The following KCTD7 variants were observed in gnomAD, a reference collection of about 807,000 sequenced individuals.
The protein encoded by KCTD7 is BTB/POZ domain-containing protein KCTD7.
In KCTD7, 15 loss-of-function variants were observed where a neutral mutation model predicts 27.0. The ratio of observed to expected loss-of-function variants is 0.56; its 90% CI spans 0.37 to 0.86. KCTD7 has a LOEUF of 0.86. Ranked by LOEUF, KCTD7 falls within the 40% of genes least tolerant of loss-of-function variation. The pLI is 0.00. For missense variants in KCTD7, 299 were observed against 398.9 expected, an observed-to-expected ratio of 0.75 and a Z score of 2.13; for synonymous variants, 159 against 162.7, an observed-to-expected ratio of 0.98 and a Z score of 0.17.
At position 66,639,318 on chromosome 7, in the gene KCTD7, G is replaced by T. The variant is rs1362334965; in HGVS notation, c.*86G>T. On this transcript the variant is annotated 3_prime_UTR_variant, in exon 4 of 4. Transcript: ENST00000639828. ...GAGTAAGATCCCTGAAGGGGCTGCT[G>T]ACTGCCCCAGAATCTGCCGAGGTGA... 2.0e-5 allele frequency: 32 copies of T among 1,594,766 alleles called. No individual in the cohort carries two copies. In the East Asian group the frequency reaches 7.1e-4, roughly 36 times the overall value.
rs941670086 is a variant in KCTD7, at chr7:66,639,185, TACTACTGCA to T, written c.825_833del (p.Tyr275_Lys278delinsTer). 2 of 1,613,822 alleles carry T rather than the reference TACTACTGCA, an allele frequency of 1.2e-6. No homozygotes were observed. Among genetic ancestry groups the T allele is most frequent in the Non-Finnish European group, 1.7e-6 (2 of 1,180,042 alleles). On this transcript the variant is annotated stop_gained and inframe_deletion, in exon 4 of 4. Coordinates refer to ENST00000639828, the MANE Select transcript of KCTD7 (RefSeq NM_153033.5). LOFTEE classifies it high-confidence loss of function. ...GTGTGACAAGCACCTCGTGAACCAC[TACTACTGCA>T]AGCGCCCCATCTATGAGTTCAAGAT...
At position 66,638,322 on chromosome 7, in the gene KCTD7, G is replaced by A. The variant is rs145238250; in HGVS notation, c.384G>A (p.Glu128=). 3,275 of 1,614,252 alleles carry A rather than the reference G, an allele frequency of 2.0e-3. 9 individuals carry two copies. Among genetic ancestry groups the A allele is most frequent in the Non-Finnish European group, 2.4e-3 (2,819 of 1,180,044 alleles). ...PRERVRAVYK[E]AQYYAIGPLL... ...AGCGTGTTCGAGCTGTGTACAAAGA[G>A]GCCCAGTACTATGCCATCGGGCCCC... The change falls in exon 3 of 4, where the codon GAG becomes GAA. Residue 128 remains glutamate (E), a synonymous_variant. Transcript: ENST00000639828.
Position 66,628,980 on chromosome 7 carries a change from G to C in KCTD7, c.-85G>C. ...GCCAGCCCGCAGCCGGCCGCGTCAT[G>C]CCAGGCGCTGCTCGGCGGTAGGGAG... On this transcript the variant is annotated 5_prime_UTR_variant, in exon 1 of 4. The change abolishes an upstream ATG in the 5' untranslated region. Transcript: ENST00000639828. The C allele has an allele frequency of 7.2e-7, 1 of 1,382,070 alleles. No homozygotes were observed. The allele number at this position is 1,382,070 out of a possible 1,614,324, so 85.6% of individuals were successfully genotyped here.
At chr7:66,633,610 TG>T (rs914692626) in intron 2 of KCTD7, among the ~76,000 whole-genome samples, 166 bp downstream of exon 2, 1 of 151,840 alleles carries the variant, frequency 6.6e-6, no homozygotes, top group African/African-American at 2.4e-5. Context: ...TTTTTTTTTT[TG>T]CCAAAGGAGA....
intron 1 of KCTD7, among the ~76,000 whole-genome samples, chr7:66,631,493 C>T (rs898811563): frequency 4.6e-5 from 7 of 150,666 alleles, no homozygotes; most frequent in Admixed American, 1.3e-4. Flanking sequence ...CTCTTGAACC[C>T]GGGAGGCAGA....
intron 1 of KCTD7, 58 bp from the exon 2 acceptor site, chr7:66,633,217 G>A: frequency 1.9e-6 from 3 of 1,572,558 alleles, no homozygotes; most frequent in East Asian, 2.2e-5. Flanking sequence ...TGAAGATGGA[G>A]CAGCCCCAGC....
chr7:66,629,921 G>T (rs1230141686), intron 1 of KCTD7, among the ~76,000 whole-genome samples: 1 of 152,110 alleles, frequency 6.6e-6, no homozygotes, highest in African/African-American at 2.4e-5. Context: ...GGGCTTCCAC[G>T]GGTCTTACTT....
chr7:66,633,005 C>T (rs1360464832), intron 1 of KCTD7, among the ~76,000 whole-genome samples: 1 of 151,752 alleles, frequency 6.6e-6, no homozygotes, highest in African/African-American at 2.4e-5. Flanking sequence ...TTGCAGTGAG[C>T]CAACATCACG....
At chr7:66,638,806 C>T in intron 3 of KCTD7, 50 bp from the exon 4 acceptor site, 1 of 1,609,386 alleles carries the variant, frequency 6.2e-7, no homozygotes, top group Non-Finnish European at 8.5e-7. Context: ...TCTCTGCTGC[C>T]CTGTCCTGCC....
chr7:66,639,528 C>G lies in KCTD7; in HGVS notation c.*296C>G. ...TAGCTAGGGCTTGACCAGGAAGTCC[C>G]GAGAAGTTTTGTCACCTTCTTGACC... On this transcript the variant is annotated 3_prime_UTR_variant, in exon 4 of 4. Coordinates refer to ENST00000639828, the MANE Select transcript of KCTD7 (RefSeq NM_153033.5). 8 of 1,382,068 alleles carry G rather than the reference C, an allele frequency of 5.8e-6. No homozygotes were observed. The highest frequency in any genetic ancestry group is 5.7e-5 in the East Asian group (2 of 35,124). The allele number at this position is 1,382,068 out of a possible 1,614,324, so 85.6% of individuals were successfully genotyped here.
In KCTD7 at chr7:66,641,616, T is replaced by C. The variant is rs1200542163; in HGVS notation, c.*2384T>C. ...ACTCCCTTTGTGATCCTCACAGTAA[T>C]GTATTCTGTGCCACTGTAGGACACA... is the stretch of plus-strand genomic sequence containing the variant. On this transcript the variant is annotated 3_prime_UTR_variant, in exon 4 of 4. Transcript: ENST00000639828. 7 of 985,260 alleles carry C rather than the reference T, an allele frequency of 7.1e-6. No individual in the cohort carries two copies. Among genetic ancestry groups the C allele is most frequent in the African/African-American group, 1.7e-5 (1 of 57,222 alleles). 61.0% of individuals were successfully genotyped at this position (985,260 alleles called of 1,614,324 possible). A position where few individuals can be genotyped will look rare whatever the true frequency, so the allele number is the denominator to read the frequency against.
Position 66,642,245 on chromosome 7 carries a change from A to G in KCTD7, c.*3013A>G, listed in dbSNP as rs1786736456. Reference sequence around the variant, plus strand: ...ACACTCTAAATAAATGGAAGGAATCATCACCTTCCTTATTTTACCTCTGCC... The same window carrying G: ...ACACTCTAAATAAATGGAAGGAATCGTCACCTTCCTTATTTTACCTCTGCC... On this transcript the variant is annotated 3_prime_UTR_variant, in exon 4 of 4. Coordinates refer to ENST00000639828, the MANE Select transcript of KCTD7 (RefSeq NM_153033.5). The G allele has an allele frequency of 3.0e-6, 3 of 985,082 alleles. No homozygotes were observed. The highest frequency in any genetic ancestry group is 3.6e-6 in the Non-Finnish European group (3 of 829,700). The allele number at this position is 985,082 out of a possible 1,614,324, so 61.0% of individuals were successfully genotyped here.
intron 2 of KCTD7, among the ~76,000 whole-genome samples, chr7:66,636,805 A>G (rs62469069): frequency 0.037 from 5,586 of 152,274 alleles, 164 homozygotes; most frequent in East Asian, 0.088. Flanking sequence ...TGAAAAGTGA[A>G]TTAGAAGGAC....
Position 66,633,326 on chromosome 7 carries a change from C to T in KCTD7, c.196C>T (p.Leu66=). ...CGGAGGGGCTCACTTCACTACACGC[C>T]TGTCCACACTGCGGTGCTACGAAGA... ...NIGGAHFTTR[L]STLRCYEDTM... Residue 66 remains leucine, a synonymous_variant, in exon 2 of 4, where the codon CTG becomes TTG. Transcript: ENST00000639828. The T allele has an allele frequency of 6.2e-7, 1 of 1,613,964 alleles. No individual in the cohort carries two copies. Among genetic ancestry groups the T allele is most frequent in the Non-Finnish European group, 8.5e-7 (1 of 1,179,876 alleles).
chr7:66,634,353 TG>T (rs1036008169), intron 2 of KCTD7, among the ~76,000 whole-genome samples: 3 of 151,856 alleles, frequency 2.0e-5, no homozygotes, highest in Admixed American at 6.6e-5. Context: ...TTTTAGGTGT[TG>T]TTTTTTTTTC....
intron 1 of KCTD7, 80 bp from the exon 2 acceptor site, chr7:66,633,195 G>C (rs1786494028): frequency 2.1e-6 from 3 of 1,442,794 alleles, no homozygotes; most frequent in Non-Finnish European, 2.9e-6. Flanking sequence ...GCACCAATCA[G>C]ACCCCAGGGA....
At chr7:66,630,468 C>G (rs868700803) in intron 1 of KCTD7, among the ~76,000 whole-genome samples, 1 of 152,016 alleles carries the variant, frequency 6.6e-6, no homozygotes, top group Non-Finnish European at 1.5e-5. Context: ...TACTGGACAC[C>G]GAAGATGGCT....
rs1786659745 is a variant in KCTD7 at position 66,639,345 on chromosome 7, A to G, written c.*113A>G. 2.5e-6 allele frequency: 4 copies of G among 1,578,520 alleles called. No homozygotes were observed. Among genetic ancestry groups the G allele is most frequent in the Non-Finnish European group, 3.4e-6 (4 of 1,168,768 alleles). Reference sequence around the variant, plus strand: ...CTGCCCCAGAATCTGCCGAGGTGAGAACAGCATCCTGAGGCACAGCTCCCA... The same window carrying G: ...CTGCCCCAGAATCTGCCGAGGTGAGGACAGCATCCTGAGGCACAGCTCCCA... On this transcript the variant is annotated 3_prime_UTR_variant, in exon 4 of 4. Coordinates refer to ENST00000639828, the MANE Select transcript of KCTD7 (RefSeq NM_153033.5).
Position 66,640,483 on chromosome 7 carries a change from T to C in KCTD7, c.*1251T>C. 6.5e-7 allele frequency: 1 copy of C among 1,535,112 alleles called. No homozygotes were observed. The highest frequency in any genetic ancestry group is 8.7e-7 in the Non-Finnish European group (1 of 1,146,060). On this transcript the variant is annotated 3_prime_UTR_variant, in exon 4 of 4. Transcript: ENST00000639828. ...AGGCCAACTAGTCAGGGTCTGGACATGCATCTCCTAAAGGAAGAACTGTGT... is the reference window on the plus strand; with the variant it reads ...AGGCCAACTAGTCAGGGTCTGGACACGCATCTCCTAAAGGAAGAACTGTGT...
Sources: allele counts gnomAD v4.1 joint callset (sites outside exome capture counted in the v4.1 genomes callset), GRCh38; gene constraint gnomAD v4.1.1; transcripts MANE v1.5; gene names NCBI Gene and HGNC (gene_info 2026-07-23, HGNC 2026-07-21).